The following ULK4 variants were observed in gnomAD, a reference collection of about 807,000 sequenced individuals.
ULK4 encodes the protein inactive serine/threonine-protein kinase ULK4.
In ULK4, 133 loss-of-function variants were observed where a neutral mutation model predicts 160.6. That is an observed-to-expected ratio of 0.83 (90% confidence interval 0.72 to 0.96). The LOEUF (loss-of-function observed/expected upper bound fraction) is 0.96. Ranked by LOEUF, ULK4 falls within the 40% of genes least tolerant of loss-of-function variation. ULK4 has a pLI of 0.00. For missense variants in ULK4, 1,580 were observed against 1,499.5 expected, an observed-to-expected ratio of 1.05 and a Z score of -0.89; for synonymous variants, 534 against 539.8, an observed-to-expected ratio of 0.99 and a Z score of 0.15.
intron 35 of ULK4, among the ~76,000 whole-genome samples, chr3:41,257,120 T>G (rs1050873659): frequency 6.6e-6 from 1 of 152,134 alleles, no homozygotes; most frequent in African/African-American, 2.4e-5. Context: ...AAAGAAGATA[T>G]ATGGGTGGCA....
intron 16 of ULK4, among the ~76,000 whole-genome samples, chr3:41,894,153 G>T (rs1344095650): frequency 6.6e-6 from 1 of 152,204 alleles, no homozygotes; most frequent in African/African-American, 2.4e-5. Flanking sequence ...ACTTGGAAAT[G>T]ATCTGGAATG....
chr3:41,580,166 T>C (rs1366545554), intron 31 of ULK4, among the ~76,000 whole-genome samples: 2 of 152,276 alleles, frequency 1.3e-5, no homozygotes, highest in South Asian at 2.1e-4. Context: ...CTTCTGCCGC[T>C]GTGCATGACA....
rs36064862 is a variant in ULK4 at position 41,918,595 on chromosome 3, C to CTTTTTTTTTTT, written c.644-66_644-56dup. 53 of 226,788 alleles carry CTTTTTTTTTTT rather than the reference C, an allele frequency of 2.3e-4. No homozygotes were observed. The African/African-American group carries it at 2.4e-3, about 10-fold the overall frequency. The allele number at this position is 226,788 out of a possible 1,614,324, so 14.0% of individuals were successfully genotyped here. A position where few individuals can be genotyped will look rare whatever the true frequency, so the allele number is the denominator to read the frequency against. On this transcript the variant is annotated intron_variant, in intron 6 of 36. Transcript: ENST00000301831. ...AAGAAGTCTGCTATCACCAATAATT[C>CTTTTTTTTTTT]TTTTTTTTTTTTTTTTTTTTTTTTG...
At chr3:41,530,339 G>A (rs2086261364) in intron 32 of ULK4, among the ~76,000 whole-genome samples, 1 of 152,184 alleles carries the variant, frequency 6.6e-6, no homozygotes, top group African/African-American at 2.4e-5. Context: ...AGAAAACTGA[G>A]ACGAAATGTC....
At chr3:41,488,307 T>C (rs867178676) in intron 32 of ULK4, among the ~76,000 whole-genome samples, 12 of 152,164 alleles carry the variant, frequency 7.9e-5, no homozygotes, top group Admixed American at 3.3e-4. Flanking sequence ...TCAGTTATTA[T>C]TCCCATCCCT....
chr3:41,388,865 T>G (rs189114836), intron 35 of ULK4, among the ~76,000 whole-genome samples: 5 of 152,328 alleles, frequency 3.3e-5, no homozygotes, highest in Non-Finnish European at 5.9e-5. Flanking sequence ...CAGGCTCTTT[T>G]TTGGTTCCAT....
At chr3:41,315,683 C>A (rs2080131727) in intron 35 of ULK4, among the ~76,000 whole-genome samples, 2 of 152,142 alleles carry the variant, frequency 1.3e-5, no homozygotes, top group African/African-American at 4.8e-5. Flanking sequence ...GCCAAGAACA[C>A]AGGGCTCAGT....
rs368285458 is a variant in ULK4, at chr3:41,715,286, C to A, written c.2585G>T (p.Arg862Leu). The change falls in exon 25 of 37, where the codon CGA (arginine) becomes CTA (leucine). Residue 862 changes from arginine (R) to leucine (L), a missense_variant. Arg to Leu is a moderately radical substitution (Grantham distance 102, BLOSUM62 -2). Transcript: ENST00000301831. ...AAACTCTTCTGTCACAACTTGAGGT[C>A]GAAATACCTGTGTGATGAGAGTTTC... The part of the protein sequence containing the change: ...VLHLVTSQVF[R>L]PQVVTEEFLF... 1.2e-6 allele frequency: 2 copies of A among 1,613,592 alleles called. No individual in the cohort carries two copies. Among genetic ancestry groups the A allele is most frequent in the South Asian group, 2.2e-5 (2 of 91,018 alleles).
At chr3:41,814,983 A>C (rs1166493379) in intron 19 of ULK4, among the ~76,000 whole-genome samples, 1 of 143,156 alleles carries the variant, frequency 7.0e-6, no homozygotes, top group Non-Finnish European at 1.5e-5. Flanking sequence ...ATCTCAACTC[A>C]CTGCAACCTC....
chr3:41,393,051 T>A (rs1043834954), intron 35 of ULK4, among the ~76,000 whole-genome samples: 1 of 152,178 alleles, frequency 6.6e-6, no homozygotes, highest in African/African-American at 2.4e-5. Flanking sequence ...CTTCAGACTA[T>A]GGGATAACTA....
intron 16 of ULK4, among the ~76,000 whole-genome samples, chr3:41,893,320 T>A (rs921905791): frequency 2.6e-5 from 4 of 152,212 alleles, no homozygotes; most frequent in Non-Finnish European, 5.9e-5. Flanking sequence ...ATTAACAAAT[T>A]TTTTAAATTA....
At chr3:41,304,134 G>A (rs139577495) in intron 35 of ULK4, among the ~76,000 whole-genome samples, 116 of 152,102 alleles carry the variant, frequency 7.6e-4, no homozygotes, top group African/African-American at 2.7e-3. Context: ...TTAGCCAGAC[G>A]TGGTGGTGGG....
At chr3:41,900,630 G>T (rs1698317463) in intron 13 of ULK4, 95 bp downstream of exon 13, 6 of 1,018,774 alleles carry the variant, frequency 5.9e-6, no homozygotes, top group African/African-American at 1.6e-5. Context: ...AAACAGGAAA[G>T]ATTATACAGT....
At chr3:41,469,613 A>AC (rs1363110369) in intron 32 of ULK4, among the ~76,000 whole-genome samples, 1 of 147,774 alleles carries the variant, frequency 6.8e-6, no homozygotes, top group African/African-American at 2.5e-5. Flanking sequence ...AAAAAAAAAA[A>AC]AAAAAAAAAA....
rs1365744461 is a variant in ULK4, at chr3:41,878,282, G to A, written c.1656+5592C>T. 3.3e-5 allele frequency among the ~76,000 whole-genome samples: 5 copies of A among 152,178 alleles called. No homozygotes were observed. The East Asian group carries it at 9.7e-4, about 29-fold the overall frequency. Reference sequence around the variant, plus strand: ...GTAGGCTCATGTCAAAGGGAGAAAGGAGCAAACTTGAAAGAGCTCCCACTG... The same window carrying A: ...GTAGGCTCATGTCAAAGGGAGAAAGAAGCAAACTTGAAAGAGCTCCCACTG... On this transcript the variant is annotated intron_variant, in intron 17 of 36. Coordinates refer to ENST00000301831, the MANE Select transcript of ULK4 (RefSeq NM_017886.4).
At chr3:41,279,271 A>AC (rs1486531700) in intron 35 of ULK4, among the ~76,000 whole-genome samples, 39 of 145,898 alleles carry the variant, frequency 2.7e-4, no homozygotes, top group Middle Eastern at 3.5e-3. Flanking sequence ...AAAAAAAAAA[A>AC]AAAACAAAAC....
intron 2 of ULK4, among the ~76,000 whole-genome samples, chr3:41,946,436 C>A (rs1700113424): frequency 6.6e-6 from 1 of 152,178 alleles, no homozygotes; most frequent in Admixed American, 6.5e-5. Context: ...AATAGACAGA[C>A]TGTTTCTTGA....
At chr3:41,770,276 C>A (rs959493846) in intron 21 of ULK4, among the ~76,000 whole-genome samples, 1 of 152,120 alleles carries the variant, frequency 6.6e-6, no homozygotes, top group African/African-American at 2.4e-5. Context: ...CAGAGATCTG[C>A]AGCTTCAGGC....
intron 30 of ULK4, among the ~76,000 whole-genome samples, chr3:41,659,858 C>T (rs2035083017): frequency 6.6e-6 from 1 of 151,860 alleles, no homozygotes; most frequent in Non-Finnish European, 1.5e-5. Context: ...TACATCCATG[C>T]AATGGAAGAT....
Sources: allele counts gnomAD v4.1 joint callset (sites outside exome capture counted in the v4.1 genomes callset), GRCh38; gene constraint gnomAD v4.1.1; transcripts MANE v1.5; gene names NCBI Gene and HGNC (gene_info 2026-07-23, HGNC 2026-07-21).